The following ANKDD1B variants were observed in gnomAD, a reference collection of about 807,000 sequenced individuals.
ANKDD1B encodes the protein ankyrin repeat and death domain containing 1B.
ANKDD1B carries 57 observed loss-of-function variants against 59.7 expected under a neutral mutation model. The observed-to-expected ratio is 0.95, with a 90% confidence interval of 0.77 to 1.19. The LOEUF (loss-of-function observed/expected upper bound fraction) is 1.19. ANKDD1B is among the 50% of genes most tolerant of loss of function. The probability of loss-of-function intolerance (pLI) is 0.00; values close to 1 mark genes in which losing one functional copy is unlikely to be tolerated. For missense variants in ANKDD1B, 602 were observed against 641.9 expected (o/e 0.94, Z 0.67); for synonymous variants, 216 against 239.5 (o/e 0.90, Z 0.91).
chr5:75,649,432 A>C (rs1774764198), intron 7 of ANKDD1B, among the ~76,000 whole-genome samples: 2 of 152,174 alleles, frequency 1.3e-5, no homozygotes, highest in South Asian at 4.1e-4. Context: ...ATATTTATTC[A>C]CTTCAATTTT....
intron 6 of ANKDD1B, 79 bp from the exon 7 acceptor site, chr5:75,635,705 C>T (rs1463325666): frequency 2.2e-6 from 2 of 896,352 alleles, no homozygotes; most frequent in Non-Finnish European, 3.3e-6. Context: ...CTTCCAGAAA[C>T]TCCATTGCAG....
At chr5:75,659,422 C>G in intron 10 of ANKDD1B, 41 bp downstream of exon 10, 1 of 1,360,438 alleles carries the variant, frequency 7.4e-7, no homozygotes, top group Non-Finnish European at 1.0e-6. Flanking sequence ...GAGATGGTTG[C>G]TAAGACCTTC....
At chr5:75,632,178 T>A (rs1233283692) in intron 5 of ANKDD1B, among the ~76,000 whole-genome samples, 1 of 151,642 alleles carries the variant, frequency 6.6e-6, no homozygotes, top group African/African-American at 2.4e-5. Flanking sequence ...CATAATTCTC[T>A]GACATAGGCA....
chr5:75,668,001 A>C (rs1275556319), intron 12 of ANKDD1B, among the ~76,000 whole-genome samples: 2 of 152,194 alleles, frequency 1.3e-5, no homozygotes, highest in Non-Finnish European at 2.9e-5. Context: ...TAACTAGAAA[A>C]ATTTTTTTAT....
intron 3 of ANKDD1B, 34 bp downstream of exon 3, chr5:75,620,447 T>C (rs1246375093): frequency 1.7e-6 from 2 of 1,174,522 alleles, no homozygotes; most frequent in Non-Finnish European, 2.4e-6. Context: ...AGTTGGAGCA[T>C]AACCAATGTA....
rs1433061714 is a variant in ANKDD1B at position 75,611,547 on chromosome 5, C to CCTGGGTCTGGATCTGTGTCCGAGT, written c.-72_-49dup. 9.0e-7 allele frequency: 1 copy of CCTGGGTCTGGATCTGTGTCCGAGT among 1,111,816 alleles called. No homozygotes were observed. The highest frequency in any genetic ancestry group is 3.2e-5 in the East Asian group (1 of 31,054). The allele number at this position is 1,111,816 out of a possible 1,614,324, so 68.9% of individuals were successfully genotyped here. A position where few individuals can be genotyped will look rare whatever the true frequency, so the allele number is the denominator to read the frequency against. ...GTCCAGCCCCCGCGCCCTGGGCCTG[C>CCTGGGTCTGGATCTGTGTCCGAGT]CTGGGTCTGGATCTGTGTCCGAGTC... On this transcript the variant is annotated 5_prime_UTR_variant, in exon 1 of 14. Transcript: ENST00000601380.
intron 5 of ANKDD1B, among the ~76,000 whole-genome samples, chr5:75,632,574 A>G (rs778321667): frequency 5.3e-5 from 8 of 152,236 alleles, no homozygotes; most frequent in Non-Finnish European, 1.0e-4. Flanking sequence ...AGGAGCCTAT[A>G]ATTAACAGCT....
chr5:75,658,519 A>C (rs897031564), intron 9 of ANKDD1B, among the ~76,000 whole-genome samples: 1 of 152,230 alleles, frequency 6.6e-6, no homozygotes, highest in African/African-American at 2.4e-5. Context: ...TCCAGAAGGA[A>C]ATTTGAAGTC....
Position 75,639,371 on chromosome 5 carries a change from A to G in ANKDD1B, c.798+3489A>G, listed in dbSNP as rs1484702347. ...GCCACCACGCCAGGCTAATTTTTGT[A>G]TATTTGGTAGAGACAGGGTTTCACC... On this transcript the variant is annotated intron_variant, in intron 7 of 13. Transcript: ENST00000601380. Among the ~76,000 whole-genome samples the G allele has an allele frequency of 2.6e-5, 4 of 151,956 alleles. No individual in the cohort carries two copies. In the East Asian group the frequency reaches 7.7e-4, roughly 29 times the overall value.
At chr5:75,650,046 G>A (rs1028717507) in intron 7 of ANKDD1B, among the ~76,000 whole-genome samples, 5 of 152,098 alleles carry the variant, frequency 3.3e-5, no homozygotes, top group African/African-American at 1.2e-4. Flanking sequence ...ACTGGCTCAC[G>A]TATCCTCCCA....
chr5:75,661,200 C>T (rs766564627), intron 10 of ANKDD1B, among the ~76,000 whole-genome samples: 2 of 150,852 alleles, frequency 1.3e-5, no homozygotes, highest in African/African-American at 2.4e-5. Context: ...AGTTTGAGAC[C>T]GGCCTGACCA....
At chr5:75,665,576 G>T (rs1374554991) in intron 11 of ANKDD1B, among the ~76,000 whole-genome samples, 1 of 152,204 alleles carries the variant, frequency 6.6e-6, no homozygotes, top group African/African-American at 2.4e-5. Context: ...CTGGGTTGGA[G>T]AAGACCCTGC....
rs1033454989 is a variant in ANKDD1B at position 75,650,144 on chromosome 5, C to T, written c.799-2998C>T. ...CCAGAGATGTTCACATCGCAATTCCCGGAACCTGTGAATATGTTATGTTAC... is the reference window on the plus strand; with the variant it reads ...CCAGAGATGTTCACATCGCAATTCCTGGAACCTGTGAATATGTTATGTTAC... On this transcript the variant is annotated intron_variant, in intron 7 of 13. Transcript: ENST00000601380. Among the ~76,000 whole-genome samples the T allele has an allele frequency of 2.0e-4, 31 of 152,262 alleles. 1 individual carries two copies. Among genetic ancestry groups the T allele is most frequent in the African/African-American group, 6.5e-4 (27 of 41,554 alleles).
At position 75,625,759 on chromosome 5, in the gene ANKDD1B, T is replaced by TCA; in HGVS notation, c.495+18_495+19dup. ...GCCAAGAATCAGGTAGGTATGTGGG[T>TCA]CACACCTGGACAAAAGCTCTTACCT... On this transcript the variant is annotated intron_variant, in intron 4 of 13. Transcript: ENST00000601380. The TCA allele has an allele frequency of 6.5e-7, 1 of 1,535,034 alleles. No homozygotes were observed. Among genetic ancestry groups the TCA allele is most frequent in the East Asian group, 2.4e-5 (1 of 40,906 alleles).
intron 5 of ANKDD1B, chr5:75,634,530 TA>T (rs1774246865): frequency 5.8e-6 from 1 of 173,778 alleles, no homozygotes; most frequent in Admixed American, 5.7e-5. Context: ...GTCTGACACA[TA>T]GTAGCTTCTC....
chr5:75,640,045 C>CTT (rs764852636), intron 7 of ANKDD1B, among the ~76,000 whole-genome samples: 2 of 145,314 alleles, frequency 1.4e-5, no homozygotes, highest in African/African-American at 5.0e-5. Context: ...GATTATCTTT[C>CTT]TTTTTTTTTT....
At chr5:75,618,267 C>A (rs374414982) in intron 2 of ANKDD1B, among the ~76,000 whole-genome samples, 1 of 152,104 alleles carries the variant, frequency 6.6e-6, no homozygotes, top group Non-Finnish European at 1.5e-5. Context: ...TTATTATGAC[C>A]GTGGAAGGTT....
At chr5:75,659,952 T>C (rs2112016504) in intron 10 of ANKDD1B, among the ~76,000 whole-genome samples, 1 of 152,206 alleles carries the variant, frequency 6.6e-6, no homozygotes, top group African/African-American at 2.4e-5. Flanking sequence ...AGCTGCATAG[T>C]ATAGCGTGGC....
intron 7 of ANKDD1B, among the ~76,000 whole-genome samples, chr5:75,640,341 G>A (rs1282701495): frequency 6.6e-6 from 1 of 152,162 alleles, no homozygotes; most frequent in African/African-American, 2.4e-5. Context: ...ACTGAACCCA[G>A]CCACTTTGAC....
Sources: allele counts gnomAD v4.1 joint callset (sites outside exome capture counted in the v4.1 genomes callset), GRCh38; gene constraint gnomAD v4.1.1; transcripts MANE v1.5; gene names NCBI Gene and HGNC (gene_info 2026-07-23, HGNC 2026-07-21).